CIMIP6: variants seen among roughly 807,000 people sequenced by gnomAD.
CIMIP6 encodes the protein uncharacterized protein C2orf73.
At chr2:54,351,624 G>C in the CIMIP6 span, among the ~76,000 whole-genome samples, 1 of 152,162 alleles carries the variant, frequency 6.6e-6, no homozygotes, top group Non-Finnish European at 1.5e-5. Flanking sequence ...TTGGATGGTG[G>C]AGGGTGGGAG....
the CIMIP6 span, chr2:54,360,462 A>G: frequency 6.3e-7 from 1 of 1,582,152 alleles, no homozygotes; most frequent in South Asian, 1.2e-5. Context: ...AGCACTCCTG[A>G]GAGCAGAGAA....
At chr2:54,367,100 T>C in the CIMIP6 span, among the ~76,000 whole-genome samples, 5 of 152,214 alleles carry the variant, frequency 3.3e-5, no homozygotes, top group African/African-American at 9.6e-5. Flanking sequence ...TGCTTCATCA[T>C]TTCCATGACT....
At chr2:54,347,883 C>G in the CIMIP6 span, among the ~76,000 whole-genome samples, 4 of 152,190 alleles carry the variant, frequency 2.6e-5, no homozygotes, top group African/African-American at 9.7e-5. Flanking sequence ...TCCCTTCCCC[C>G]ATAGCACTTA....
At chr2:54,358,920 C>G in the CIMIP6 span, 2 of 1,018,106 alleles carry the variant, frequency 2.0e-6, no homozygotes, top group Non-Finnish European at 2.9e-6. Context: ...ATAAACAAAT[C>G]TAATTTTTTG....
the CIMIP6 span, among the ~76,000 whole-genome samples, chr2:54,351,082 T>G: frequency 6.6e-6 from 1 of 152,252 alleles, no homozygotes; most frequent in African/African-American, 2.4e-5. Flanking sequence ...GTCTTTAATT[T>G]TTAAATACTG....
At chr2:54,338,050 T>C in the CIMIP6 span, among the ~76,000 whole-genome samples, 1 of 152,156 alleles carries the variant, frequency 6.6e-6, no homozygotes, top group African/African-American at 2.4e-5. Context: ...GGCAGGAAGA[T>C]TGCTTGCACC....
At chr2:54,345,749 A>G in the CIMIP6 span, among the ~76,000 whole-genome samples, 1,885 of 152,318 alleles carry the variant, frequency 0.012, 45 homozygotes, top group African/African-American at 0.043. Flanking sequence ...GTTTCCCTAC[A>G]TAAAATGCAT....
At chr2:54,375,318 T>TG in the CIMIP6 span, among the ~76,000 whole-genome samples, 10 of 152,200 alleles carry the variant, frequency 6.6e-5, no homozygotes, top group Non-Finnish European at 1.2e-4. Context: ...GTAACAAAGT[T>TG]ATCAAGTTAA....
chr2:54,362,371 A>C, the CIMIP6 span, among the ~76,000 whole-genome samples: 1 of 152,246 alleles, frequency 6.6e-6, no homozygotes, highest in Non-Finnish European at 1.5e-5. Context: ...AAAAGAATTA[A>C]AACACTTTCA....
At chr2:54,353,130 T>C in the CIMIP6 span, among the ~76,000 whole-genome samples, 1 of 152,166 alleles carries the variant, frequency 6.6e-6, no homozygotes, top group African/African-American at 2.4e-5. Context: ...TAAACTCTGT[T>C]GTCTGAGGAT....
At chr2:54,362,023 G>A in the CIMIP6 span, among the ~76,000 whole-genome samples, 4 of 152,182 alleles carry the variant, frequency 2.6e-5, no homozygotes, top group Admixed American at 2.6e-4. Flanking sequence ...TATGGATAGT[G>A]AATAAACTCC....
chr2:54,356,576 A>G, the CIMIP6 span, among the ~76,000 whole-genome samples: 9 of 151,716 alleles, frequency 5.9e-5, no homozygotes, highest in Admixed American at 5.9e-4. Flanking sequence ...TTTCCCTTCC[A>G]TGGTTTCCCC....
chr2:54,342,173 G>A, the CIMIP6 span, among the ~76,000 whole-genome samples: 2 of 152,240 alleles, frequency 1.3e-5, no homozygotes, highest in Non-Finnish European at 2.9e-5. Context: ...AAGTGACAAA[G>A]TGAAGTCCAA....
the CIMIP6 span, among the ~76,000 whole-genome samples, chr2:54,377,756 A>T: frequency 7.5e-6 from 1 of 133,302 alleles, no homozygotes; most frequent in East Asian, 3.0e-4. Flanking sequence ...GGGGCTGGAG[A>T]GTGTGTAGAT....
chr2:54,369,388 G>C, the CIMIP6 span, among the ~76,000 whole-genome samples: 28 of 152,168 alleles, frequency 1.8e-4, no homozygotes, highest in African/African-American at 6.8e-4. Context: ...CCTACGGCAG[G>C]TCTTGGAGCA....
At chr2:54,351,692 G>C in the CIMIP6 span, among the ~76,000 whole-genome samples, 2,533 of 152,156 alleles carry the variant, frequency 0.017, 80 homozygotes, top group African/African-American at 0.057. Context: ...CTGGGTGATA[G>C]AATAATCTGT....
At chr2:54,336,400 A>G in the CIMIP6 span, among the ~76,000 whole-genome samples, 1 of 152,162 alleles carries the variant, frequency 6.6e-6, no homozygotes, top group Non-Finnish European at 1.5e-5. Context: ...GGATTTGTCC[A>G]TGTTGCTGCA....
the CIMIP6 span, chr2:54,360,818 G>A: frequency 6.7e-3 from 2,183 of 324,972 alleles, 52 homozygotes; most frequent in African/African-American, 0.043. Flanking sequence ...ACACATGATC[G>A]TAATTAACAA....
the CIMIP6 span, chr2:54,330,948 T>C: frequency 3.1e-6 from 5 of 1,612,122 alleles, no homozygotes; most frequent in East Asian, 1.1e-4. Flanking sequence ...CCCAGGAGGC[T>C]CCTCGCTGCC....
Sources: allele counts gnomAD v4.1 joint callset (sites outside exome capture counted in the v4.1 genomes callset), GRCh38; gene constraint gnomAD v4.1.1; transcripts MANE v1.5; gene names NCBI Gene and HGNC (gene_info 2026-07-23, HGNC 2026-07-21).